Variants in BAIAP2L1 observed in about 807,000 individuals in gnomAD.
The protein encoded by BAIAP2L1 is BAR/IMD domain-containing adapter protein 2-like 1.
A neutral mutation model predicts 66.3 loss-of-function variants in BAIAP2L1; 35 were observed. The ratio of observed to expected loss-of-function variants is 0.53; its 90% CI spans 0.40 to 0.70. The LOEUF (loss-of-function observed/expected upper bound fraction) is 0.70. BAIAP2L1 is among the 30% of genes least tolerant of loss of function. The pLI, the probability that BAIAP2L1 is intolerant of heterozygous loss-of-function variation, is 0.00. For missense variants in BAIAP2L1, 622 were observed against 656.9 expected, an observed-to-expected ratio of 0.95 and a Z score of 0.58; for synonymous variants, 269 against 248.7, an observed-to-expected ratio of 1.08 and a Z score of -0.77.
chr7:98,339,106 CAT>C (rs1481914193), intron 3 of BAIAP2L1, among the ~76,000 whole-genome samples: 1 of 150,054 alleles, frequency 6.7e-6, no homozygotes, highest in African/African-American at 2.4e-5. Context: ...TTTGTGTGGG[CAT>C]ATGTTTCATT....
chr7:98,396,475 C>T (rs1340825724), intron 1 of BAIAP2L1, among the ~76,000 whole-genome samples: 4 of 152,106 alleles, frequency 2.6e-5, no homozygotes, highest in Admixed American at 2.6e-4. Context: ...AAAATGTATT[C>T]GGTTTGTGCA....
At chr7:98,357,047 ATATTTTT>A (rs1379217202) in intron 2 of BAIAP2L1, among the ~76,000 whole-genome samples, 38 of 16,482 alleles carry the variant, frequency 2.3e-3, no homozygotes, top group Admixed American at 5.5e-3. Flanking sequence ...ATATATATAT[ATATTTTT>A]TTTTTTTTTT....
At chr7:98,385,724 A>C in intron 1 of BAIAP2L1, 1 of 1,241,646 alleles carries the variant, frequency 8.1e-7, no homozygotes, top group Non-Finnish European at 1.1e-6. Flanking sequence ...AGGAATCAAC[A>C]TTTCTTTTTT....
At chr7:98,380,972 T>G (rs1250541664) in intron 1 of BAIAP2L1, among the ~76,000 whole-genome samples, 1 of 152,066 alleles carries the variant, frequency 6.6e-6, no homozygotes, top group East Asian at 1.9e-4. Flanking sequence ...CCCAGCATAC[T>G]GAGACGCACA....
intron 2 of BAIAP2L1, among the ~76,000 whole-genome samples, chr7:98,360,082 C>T (rs1271921782): frequency 2.0e-5 from 3 of 152,108 alleles, no homozygotes; most frequent in Non-Finnish European, 4.4e-5. Flanking sequence ...GCCACCACTC[C>T]CGGCTAAATT....
intron 1 of BAIAP2L1, among the ~76,000 whole-genome samples, chr7:98,372,308 A>G (rs754602695): frequency 5.9e-5 from 9 of 152,034 alleles, no homozygotes; most frequent in South Asian, 2.1e-4. Context: ...CAGCAGGCTG[A>G]GGCAGGAGAA....
chr7:98,322,120 A>T (rs1801265884), intron 3 of BAIAP2L1, among the ~76,000 whole-genome samples: 1 of 152,096 alleles, frequency 6.6e-6, no homozygotes, highest in African/African-American at 2.4e-5. Context: ...AAGGAATTCT[A>T]GTGGGGAACT....
intron 5 of BAIAP2L1, among the ~76,000 whole-genome samples, chr7:98,318,792 A>T (rs1172768381): frequency 6.6e-6 from 1 of 151,486 alleles, no homozygotes; most frequent in Non-Finnish European, 1.5e-5. Context: ...AAAAATACAA[A>T]AATTAGCCGG....
At position 98,310,639 on chromosome 7, in the gene BAIAP2L1, G is replaced by A. The variant is rs367677729; in HGVS notation, c.808-47C>T. On this transcript the variant is annotated intron_variant, in intron 8 of 13. Coordinates refer to ENST00000005260, the MANE Select transcript of BAIAP2L1 (RefSeq NM_018842.5). ...TCCAATATTAGTATAGTGCAGAACC[G>A]GAATTACACAGATTCCCAAGGCTGT... 1.1e-4 allele frequency: 153 copies of A among 1,404,908 alleles called. 1 individual carries two copies. Among genetic ancestry groups the A allele is most frequent in the East Asian group, 3.0e-4 (11 of 36,958 alleles). 87.0% of individuals were successfully genotyped at this position (1,404,908 alleles called of 1,614,324 possible).
chr7:98,357,169 G>A (rs1377000360), intron 2 of BAIAP2L1, among the ~76,000 whole-genome samples: 5 of 146,838 alleles, frequency 3.4e-5, no homozygotes, highest in Non-Finnish European at 6.0e-5. Flanking sequence ...TTATAGTTGT[G>A]AGCCACAGAA....
intron 9 of BAIAP2L1, 115 bp downstream of exon 9, chr7:98,310,330 A>T: frequency 8.4e-7 from 1 of 1,187,200 alleles, no homozygotes; most frequent in Non-Finnish European, 1.2e-6. Flanking sequence ...TATCTACCAT[A>T]CCTGCTTGTT....
chr7:98,317,387 T>G, intron 5 of BAIAP2L1, 31 bp from the exon 6 acceptor site: 1 of 1,610,072 alleles, frequency 6.2e-7, no homozygotes, highest in Non-Finnish European at 8.5e-7. Context: ...CTTATTTTAC[T>G]GTGGCACCAC....
chr7:98,343,248 TACACACACACACACACACAC>T (rs57033582), intron 3 of BAIAP2L1, among the ~76,000 whole-genome samples: 1 of 128,592 alleles, frequency 7.8e-6, no homozygotes, highest in Non-Finnish European at 1.6e-5. Context: ...AAAAAAAAAA[TACACACACACACACACACAC>T]ACACACACAC....
At chr7:98,336,348 T>C (rs2115610065) in intron 3 of BAIAP2L1, among the ~76,000 whole-genome samples, 1 of 152,264 alleles carries the variant, frequency 6.6e-6, no homozygotes, top group South Asian at 2.1e-4. Flanking sequence ...GCGTGGTGAC[T>C]CACGCCTGTA....
At chr7:98,339,589 G>C (rs1413166219) in intron 3 of BAIAP2L1, among the ~76,000 whole-genome samples, 1 of 152,148 alleles carries the variant, frequency 6.6e-6, no homozygotes, top group African/African-American at 2.4e-5. Flanking sequence ...AATGCGGCTG[G>C]CGTGGCCAGG....
chr7:98,369,215 C>T (rs1224170679), intron 1 of BAIAP2L1, among the ~76,000 whole-genome samples: 1 of 152,088 alleles, frequency 6.6e-6, no homozygotes, highest in Non-Finnish European at 1.5e-5. Context: ...TGCGTGGTGA[C>T]TCATGCCTGT....
chr7:98,383,566 C>T (rs1021860820), intron 1 of BAIAP2L1, among the ~76,000 whole-genome samples: 2 of 151,910 alleles, frequency 1.3e-5, no homozygotes, highest in African/African-American at 2.4e-5. Context: ...GGATTACAGG[C>T]GTGAGCCACT....
At chr7:98,310,341 T>TA in intron 9 of BAIAP2L1, 104 bp downstream of exon 9, 1 of 1,318,954 alleles carries the variant, frequency 7.6e-7, no homozygotes, top group Non-Finnish European at 1.0e-6. Flanking sequence ...CCTGCTTGTT[T>TA]ACCTCCAAAC....
At position 98,306,522 on chromosome 7, in the gene BAIAP2L1, G is replaced by C; in HGVS notation, c.1164-6C>G. 1 of 1,614,052 alleles carries C rather than the reference G, an allele frequency of 6.2e-7. No homozygotes were observed. Among genetic ancestry groups the C allele is most frequent in the East Asian group, 2.2e-5 (1 of 44,872 alleles). ...ACGACGGGAACCAACCCCTCCTACC[G>C]GCAAAGAGGGAGAAAAGACCCTATC... On this transcript the variant is annotated splice_region_variant and splice_polypyrimidine_tract_variant and intron_variant, in intron 10 of 13. Coordinates refer to ENST00000005260, the MANE Select transcript of BAIAP2L1 (RefSeq NM_018842.5).
Sources: gnomAD v4.1 joint callset for allele counts (sites outside exome capture counted in the v4.1 genomes callset) on GRCh38, gnomAD v4.1.1 for gene constraint, MANE v1.5 for transcripts, NCBI Gene and HGNC (gene_info 2026-07-23, HGNC 2026-07-21) for gene names.